Variants in ANKFN1 observed in about 807,000 individuals in gnomAD.
ANKFN1 encodes ankyrin repeat and fibronectin type III domain containing 1.
A neutral mutation model predicts 108.7 loss-of-function variants in ANKFN1; 74 were observed. That is an observed-to-expected ratio of 0.68 (90% CI 0.56 to 0.83). ANKFN1 has a LOEUF of 0.83. Among genes scored for constraint, ANKFN1 ranks in the 40% least tolerant of loss-of-function variants. ANKFN1 has a pLI of 0.00. For missense variants in ANKFN1, 1,505 were observed against 1,382.3 expected, an observed-to-expected ratio of 1.09 and a Z score of -1.41; for synonymous variants, 547 against 516.2, an observed-to-expected ratio of 1.06 and a Z score of -0.81.
chr17:56,434,612 G>A (rs540970118), intron 8 of ANKFN1, among the ~76,000 whole-genome samples: 1 of 152,120 alleles, frequency 6.6e-6, no homozygotes, highest in Non-Finnish European at 1.5e-5. Context: ...AAGCAGCTCC[G>A]ACCTCATATT....
intron 4 of ANKFN1, among the ~76,000 whole-genome samples, chr17:56,100,416 T>G (rs1279448679): frequency 6.6e-6 from 1 of 152,216 alleles, no homozygotes; most frequent in Non-Finnish European, 1.5e-5. Context: ...AGACAATATT[T>G]TCCTTCAGAT....
intron 8 of ANKFN1, among the ~76,000 whole-genome samples, chr17:56,385,395 A>G (rs1241593331): frequency 6.6e-6 from 1 of 152,260 alleles, no homozygotes; most frequent in Non-Finnish European, 1.5e-5. Flanking sequence ...ATTACCATTC[A>G]GGACATAGGC....
intron 4 of ANKFN1, among the ~76,000 whole-genome samples, chr17:56,115,116 G>A (rs1054054220): frequency 2.0e-5 from 3 of 152,182 alleles, no homozygotes; most frequent in African/African-American, 7.2e-5. Flanking sequence ...TATTACAGCA[G>A]CAATAGAAAA....
Position 56,368,085 on chromosome 17 carries a change from A to T in ANKFN1, c.602-4561A>T, listed in dbSNP as rs546780046. The T allele has an allele frequency of 2.6e-3, 2,354 of 901,714 alleles. 2 individuals carry two copies. Among genetic ancestry groups the T allele is most frequent in the Non-Finnish European group, 3.3e-3 (2,130 of 646,504 alleles). The allele number at this position is 901,714 out of a possible 1,614,324, so 55.9% of individuals were successfully genotyped here. A position where few individuals can be genotyped will look rare whatever the true frequency, so the allele number is the denominator to read the frequency against. ...TCTGCCATCAGATCCAGAGGCTAGT[A>T]GTTACACTTCTGTAACACCAGATGT... is the stretch of plus-strand genomic sequence containing the variant. On this transcript the variant is annotated intron_variant, in intron 6 of 20. Coordinates refer to ENST00000682825, the MANE Select transcript of ANKFN1 (RefSeq NM_001370326.1).
intron 18 of ANKFN1, among the ~76,000 whole-genome samples, chr17:56,490,460 G>C (rs748261380): frequency 9.9e-5 from 15 of 152,168 alleles, no homozygotes; most frequent in Non-Finnish European, 1.2e-4. Flanking sequence ...AAAGCTTAGG[G>C]TTGATGAGGA....
intron 15 of ANKFN1, among the ~76,000 whole-genome samples, chr17:56,467,687 A>G (rs1483068035): frequency 1.3e-5 from 2 of 150,470 alleles, no homozygotes; most frequent in African/African-American, 2.4e-5. Context: ...AAAAAAAAAA[A>G]AAAGAAAGAA....
In ANKFN1 at chr17:56,115,831, A is replaced by G. The variant is rs77480347; in HGVS notation, c.288+69506A>G. Reference sequence around the variant, plus strand: ...CAGGACTCTCAGTTTTCTTAGTTCTAGCAAGCAGAGTTCTGGTTCTCTTGA... The same window carrying G: ...CAGGACTCTCAGTTTTCTTAGTTCTGGCAAGCAGAGTTCTGGTTCTCTTGA... On this transcript the variant is annotated intron_variant, in intron 4 of 12. Coordinates refer to the ANKFN1 transcript ENST00000635860. Among the ~76,000 whole-genome samples, 1,388 of 152,234 alleles carry G rather than the reference A, an allele frequency of 9.1e-3. 58 individuals are homozygous for G. The highest frequency in any genetic ancestry group is 0.062 in the East Asian group (320 of 5,164).
chr17:56,326,328 C>A lies in ANKFN1; in HGVS notation c.161C>A (p.Ser54Tyr). 1.2e-6 allele frequency: 2 copies of A among 1,613,616 alleles called. No homozygotes were observed. The highest frequency in any genetic ancestry group is 1.7e-6 in the Non-Finnish European group (2 of 1,179,770). Residue 54 changes from serine to tyrosine, a missense_variant, in exon 4 of 21, where the codon TCC (serine) becomes TAC (tyrosine). By Grantham distance (144) the Ser-to-Tyr change is moderately radical. Coordinates refer to ENST00000682825, the MANE Select transcript of ANKFN1 (RefSeq NM_001370326.1). ...ESTGQLPTTC[S>Y]SAASNSINWN... ...ACTGGACAATTACCAACAACTTGTT[C>A]CTCTGCTGCCTCGAACAGCATAAAC...
intron 3 of ANKFN1, among the ~76,000 whole-genome samples, chr17:56,312,857 T>A (rs1364157418): frequency 1.3e-5 from 2 of 152,080 alleles, no homozygotes; most frequent in South Asian, 2.1e-4. Flanking sequence ...GTTGGTGCTT[T>A]TAGAAAAACA....
At chr17:56,485,257 G>A (rs1338518301) in intron 18 of ANKFN1, among the ~76,000 whole-genome samples, 1 of 152,180 alleles carries the variant, frequency 6.6e-6, no homozygotes, top group Non-Finnish European at 1.5e-5. Flanking sequence ...AGAAGTGAAG[G>A]TCATGAAGGA....
chr17:56,325,186 C>A (rs2045480443), intron 3 of ANKFN1, among the ~76,000 whole-genome samples: 1 of 152,108 alleles, frequency 6.6e-6, no homozygotes, highest in Admixed American at 6.5e-5. Flanking sequence ...GTCATCACAG[C>A]AGCTAAACAT....
chr17:56,396,562 A>G (rs1435199221), intron 8 of ANKFN1, among the ~76,000 whole-genome samples: 1 of 152,118 alleles, frequency 6.6e-6, no homozygotes, highest in African/African-American at 2.4e-5. Flanking sequence ...ACATTTTATA[A>G]CAAAGTTAAG....
intron 3 of ANKFN1, among the ~76,000 whole-genome samples, chr17:56,252,575 A>G (rs1015004074): frequency 5.3e-5 from 8 of 151,448 alleles, no homozygotes; most frequent in Non-Finnish European, 8.8e-5. Flanking sequence ...CAAGAGTTTG[A>G]GACTAGACTG....
intron 4 of ANKFN1, among the ~76,000 whole-genome samples, chr17:56,066,596 A>G (rs1905060740): frequency 2.6e-5 from 4 of 152,256 alleles, no homozygotes; most frequent in African/African-American, 9.6e-5. Context: ...TTGGTGAAAT[A>G]TGCATAACAT....
At position 56,153,492 on chromosome 17, in the gene ANKFN1, C is replaced by G; in HGVS notation, c.-109C>G. The G allele has an allele frequency of 6.2e-7, 1 of 1,614,038 alleles. No individual in the cohort carries two copies. The highest frequency in any genetic ancestry group is 1.1e-5 in the South Asian group (1 of 91,084). ...CCCAGGTCCTCTTTCAACTCAAGAG[C>G]TCAGTCCTGTGTCTCTCATGGAGGC... On this transcript the variant is annotated 5_prime_UTR_variant, in exon 1 of 21. Coordinates refer to ENST00000682825, the MANE Select transcript of ANKFN1 (RefSeq NM_001370326.1).
Position 56,308,616 on chromosome 17 carries a change from A to G in ANKFN1, c.54-17605A>G, listed in dbSNP as rs114198581. On this transcript the variant is annotated intron_variant, in intron 3 of 20. Transcript: ENST00000682825. Reference sequence around the variant, plus strand: ...AGAACTCACAAAATTATGATAAATAAGAGTGATGAGAGCTGCCTGACTTAT... The same window carrying G: ...AGAACTCACAAAATTATGATAAATAGGAGTGATGAGAGCTGCCTGACTTAT... 3.0e-3 allele frequency among the ~76,000 whole-genome samples: 458 copies of G among 152,312 alleles called. 3 individuals carry two copies. The highest frequency in any genetic ancestry group is 0.01 in the African/African-American group (436 of 41,586).
At chr17:56,405,712 A>T (rs1286952401) in intron 8 of ANKFN1, among the ~76,000 whole-genome samples, 4 of 152,194 alleles carry the variant, frequency 2.6e-5, no homozygotes, top group Admixed American at 6.5e-5. Flanking sequence ...AACAGCTATA[A>T]AAAAGAATGT....
At chr17:56,147,434 C>T (rs1363314495) in intron 4 of ANKFN1, among the ~76,000 whole-genome samples, 12 of 152,146 alleles carry the variant, frequency 7.9e-5, no homozygotes, top group Admixed American at 7.9e-4. Flanking sequence ...CTCACAGTTT[C>T]ACATTACTAG....
intron 3 of ANKFN1, among the ~76,000 whole-genome samples, chr17:56,285,030 A>C (rs2044179388): frequency 6.6e-6 from 1 of 152,242 alleles, no homozygotes; most frequent in East Asian, 1.9e-4. Flanking sequence ...TCTGTGACCT[A>C]TAAATATTAC....
Sources: gnomAD v4.1 joint callset for allele counts (sites outside exome capture counted in the v4.1 genomes callset) on GRCh38, gnomAD v4.1.1 for gene constraint, MANE v1.5 for transcripts, NCBI Gene and HGNC (gene_info 2026-07-23, HGNC 2026-07-21) for gene names.